SLCO1B1: variants seen among roughly 807,000 people sequenced by gnomAD.
SLCO1B1 encodes solute carrier organic anion transporter family member 1B1, also known as OATP-2.
In SLCO1B1, 81 loss-of-function variants were observed where a neutral mutation model predicts 70.1. The observed-to-expected ratio is 1.16, with a 90% CI of 0.97 to 1.39. The LOEUF is 1.39. Among genes scored for constraint, SLCO1B1 ranks in the 40% most tolerant of loss-of-function variants. The pLI is 0.00. For synonymous variants in SLCO1B1, 283 were observed against 271.5 expected (o/e 1.04, Z -0.42); for missense variants, 895 against 799.6 (o/e 1.12, Z -1.44).
intron 1 of SLCO1B1, among the ~76,000 whole-genome samples, chr12:21,141,120 T>A (rs754079150): frequency 2.2e-4 from 33 of 151,962 alleles, no homozygotes; most frequent in Non-Finnish European, 2.4e-4. Flanking sequence ...TGCAAGGGGC[T>A]AATAGGCACA....
At chr12:21,231,679 G>A (rs1941540376) in intron 14 of SLCO1B1, among the ~76,000 whole-genome samples, 1 of 151,506 alleles carries the variant, frequency 6.6e-6, no homozygotes, top group African/African-American at 2.4e-5. Context: ...ATACATATAT[G>A]TATATATGTG....
At position 21,141,526 on chromosome 12, in the gene SLCO1B1, A is replaced by T. The variant is rs779253032; in HGVS notation, c.-49A>T. ...TCTTCCTTAATAGGTGATTGTTTCA[A>T]ACTGAGCATCAACAACAAAAACATT... On this transcript the variant is annotated 5_prime_UTR_variant, in exon 2 of 15. Transcript: ENST00000256958. 8.9e-7 allele frequency: 1 copy of T among 1,121,032 alleles called. No individual in the cohort carries two copies. The highest frequency in any genetic ancestry group is 2.4e-5 in the East Asian group (1 of 42,086). The allele number at this position is 1,121,032 out of a possible 1,614,324, so 69.4% of individuals were successfully genotyped here.
At chr12:21,209,425 A>G (rs12366994) in intron 11 of SLCO1B1, among the ~76,000 whole-genome samples, 20,455 of 152,152 alleles carry the variant, frequency 0.13, 1,697 homozygotes, top group Non-Finnish European at 0.18. Context: ...TCCATGGTGT[A>G]TATGTGCCAC....
chr12:21,224,674 A>G (rs202021986), intron 13 of SLCO1B1, 48 bp from the exon 14 acceptor site: 2 of 1,104,698 alleles, frequency 1.8e-6, no homozygotes, highest in Non-Finnish European at 2.8e-6. Flanking sequence ...ATGCAGTTAC[A>G]TTTAAAATAT....
intron 13 of SLCO1B1, among the ~76,000 whole-genome samples, chr12:21,223,751 A>C (rs1399150214): frequency 1.3e-5 from 2 of 152,054 alleles, no homozygotes; most frequent in Admixed American, 6.6e-5. Flanking sequence ...ACAAAAAAAA[A>C]CAAAGTAAAG....
chr12:21,132,963 T>C (rs1940163877), intron 1 of SLCO1B1, among the ~76,000 whole-genome samples: 1 of 152,052 alleles, frequency 6.6e-6, no homozygotes, highest in Non-Finnish European at 1.5e-5. Flanking sequence ...TTTATGGTTT[T>C]AGGTCTAACA....
intron 7 of SLCO1B1, among the ~76,000 whole-genome samples, chr12:21,185,685 GA>G (rs980599243): frequency 1.4e-5 from 2 of 147,748 alleles, no homozygotes; most frequent in Non-Finnish European, 3.0e-5. Flanking sequence ...ACACTAACTA[GA>G]AAAAAAAAGG....
chr12:21,209,797 C>A (rs1018917126), intron 11 of SLCO1B1, among the ~76,000 whole-genome samples: 1 of 151,702 alleles, frequency 6.6e-6, no homozygotes, highest in Non-Finnish European at 1.5e-5. Context: ...ATTTGCATTT[C>A]TCTGATGGCC....
chr12:21,235,435 T>C (rs1437398194), intron 14 of SLCO1B1, among the ~76,000 whole-genome samples: 1 of 149,860 alleles, frequency 6.7e-6, no homozygotes, highest in Non-Finnish European at 1.5e-5. Flanking sequence ...TCTATGGGTG[T>C]CCTTACATAC....
rs184228778 is a variant in SLCO1B1, at chr12:21,189,358, A to G, written c.728-7588A>G. On this transcript the variant is annotated intron_variant, in intron 7 of 14. Coordinates refer to ENST00000256958, the MANE Select transcript of SLCO1B1 (RefSeq NM_006446.5). Reference sequence around the variant, plus strand: ...TTTGATTTGCATTTCCCTGATATGCAATGTTGAAAATCTTTTTATTGACCT... The same window carrying G: ...TTTGATTTGCATTTCCCTGATATGCGATGTTGAAAATCTTTTTATTGACCT... 1.6e-3 allele frequency among the ~76,000 whole-genome samples: 239 copies of G among 152,280 alleles called. 3 individuals are homozygous for G. Among genetic ancestry groups the G allele is most frequent in the African/African-American group, 5.7e-3 (237 of 41,572 alleles).
At chr12:21,160,123 A>C (rs980500092) in intron 2 of SLCO1B1, among the ~76,000 whole-genome samples, 8 of 151,672 alleles carry the variant, frequency 5.3e-5, no homozygotes, top group African/African-American at 9.7e-5. Flanking sequence ...AAAAAAAAAA[A>C]AAACTATTTT....
At chr12:21,179,914 G>T (rs1940873086) in intron 7 of SLCO1B1, among the ~76,000 whole-genome samples, 1 of 151,966 alleles carries the variant, frequency 6.6e-6, no homozygotes, top group African/African-American at 2.4e-5. Context: ...TTAGAACCAA[G>T]CACCTAGGAA....
chr12:21,145,565 C>T (rs767967334), intron 2 of SLCO1B1, among the ~76,000 whole-genome samples: 8 of 144,380 alleles, frequency 5.5e-5, no homozygotes, highest in East Asian at 2.1e-4. Context: ...GCAATCAGCC[C>T]GCCTTGGCCT....
At chr12:21,238,836 C>A in intron 14 of SLCO1B1, 143 bp from the exon 15 acceptor site, 1 of 474,520 alleles carries the variant, frequency 2.1e-6, no homozygotes, top group Non-Finnish European at 3.7e-6. Context: ...CGTTATGCCC[C>A]AATAAAAAGA....
In SLCO1B1 at chr12:21,233,206, A is replaced by G. The variant is rs370775300; in HGVS notation, c.1866-5773A>G. Among the ~76,000 whole-genome samples, 32 of 144,630 alleles carry G rather than the reference A, an allele frequency of 2.2e-4. No homozygotes were observed. In the East Asian group the frequency reaches 6.6e-3, roughly 30 times the overall value. 94.9% of individuals were successfully genotyped at this position (144,630 alleles called of 152,430 possible). On this transcript the variant is annotated intron_variant, in intron 14 of 14. Coordinates refer to ENST00000256958, the MANE Select transcript of SLCO1B1 (RefSeq NM_006446.5). ...GTCTCTGGGCAAGATGAAGAAGTGG[A>G]CAGTCACCCCGACTCAGGCCTTTTT...
At chr12:21,178,304 G>A (rs141555703) in intron 5 of SLCO1B1, among the ~76,000 whole-genome samples, 5,070 of 151,934 alleles carry the variant, frequency 0.033, 381 homozygotes, top group East Asian at 0.32. Flanking sequence ...TTCATCTTCC[G>A]CCATGATTGT....
intron 2 of SLCO1B1, among the ~76,000 whole-genome samples, chr12:21,156,400 G>GAT (rs1591802174): frequency 1.3e-5 from 2 of 152,040 alleles, no homozygotes; most frequent in Non-Finnish European, 2.9e-5. Context: ...CAACTGCTAG[G>GAT]ATATCACAAA....
At chr12:21,194,981 C>T (rs1378569196) in intron 7 of SLCO1B1, among the ~76,000 whole-genome samples, 1 of 152,148 alleles carries the variant, frequency 6.6e-6, no homozygotes, top group East Asian at 1.9e-4. Context: ...GCAATCAGAT[C>T]TTCTCCTGAG....
intron 14 of SLCO1B1, among the ~76,000 whole-genome samples, chr12:21,232,832 C>A (rs1420948014): frequency 1.3e-5 from 2 of 152,086 alleles, no homozygotes; most frequent in Non-Finnish European, 2.9e-5. Context: ...TTTCTGGGTT[C>A]CCTTTCTCTG....
Sources: gnomAD v4.1 joint callset for allele counts (sites outside exome capture counted in the v4.1 genomes callset) on GRCh38, gnomAD v4.1.1 for gene constraint, MANE v1.5 for transcripts, NCBI Gene and HGNC (gene_info 2026-07-23, HGNC 2026-07-21) for gene names.